ANKRD27: variants seen among roughly 807,000 people sequenced by gnomAD.
ANKRD27 encodes the protein ankyrin repeat domain 27.
A neutral mutation model predicts 129.7 loss-of-function variants in ANKRD27; 112 were observed. The ratio of observed to expected loss-of-function variants is 0.86; its 90% CI spans 0.74 to 1.01. The LOEUF (loss-of-function observed/expected upper bound fraction) is 1.01. Ranked by LOEUF, ANKRD27 falls within the 50% of genes least tolerant of loss-of-function variation. The probability of loss-of-function intolerance (pLI) is 0.00; values close to 1 mark genes in which losing one functional copy is unlikely to be tolerated. For synonymous variants in ANKRD27, 516 were observed against 511.2 expected, an observed-to-expected ratio of 1.01 and a Z score of -0.13; for missense variants, 1,258 against 1,300.5, an observed-to-expected ratio of 0.97 and a Z score of 0.50.
intron 2 of ANKRD27, among the ~76,000 whole-genome samples, chr19:32,656,076 A>G (rs1158331961): frequency 4.1e-5 from 1 of 24,284 alleles, no homozygotes; most frequent in East Asian, 6.3e-4. Flanking sequence ...AGAAAGAAAG[A>G]AAGAAAGAAA....
chr19:32,616,575 GAC>G (rs1177976540), intron 21 of ANKRD27, among the ~76,000 whole-genome samples: 1 of 145,566 alleles, frequency 6.9e-6, no homozygotes, highest in Non-Finnish European at 1.5e-5. Context: ...AAAAGTGGAA[GAC>G]ACAGTCCTTT....
intron 12 of ANKRD27, among the ~76,000 whole-genome samples, chr19:32,632,058 GTGAA>G: frequency 6.6e-6 from 1 of 152,214 alleles, no homozygotes; most frequent in Non-Finnish European, 1.5e-5. Context: ...GGAGGCTGAG[GTGAA>G]CGGATCACCT....
rs1308928336 is a variant in ANKRD27 at position 32,640,315 on chromosome 19, G to A, written c.975C>T (p.Ile325=). ...VLLYLLVKTE[I]PNWMANLSYI... is the part of the protein sequence containing the mutation. Reference sequence around the variant, plus strand: ...TTAAAAGAAAATGTTACCAATTAGGGATCTCCGTTTTCACAAGCAAGTATA... The same window carrying A: ...TTAAAAGAAAATGTTACCAATTAGGAATCTCCGTTTTCACAAGCAAGTATA... The change falls in exon 11 of 29, where the codon ATC becomes ATT. Residue 325 remains isoleucine, a synonymous_variant. Coordinates refer to ENST00000306065, the MANE Select transcript of ANKRD27 (RefSeq NM_032139.3). 6.2e-7 allele frequency: 1 copy of A among 1,613,372 alleles called. No individual in the cohort carries two copies. Among genetic ancestry groups the A allele is most frequent in the Non-Finnish European group, 8.5e-7 (1 of 1,179,424 alleles).
chr19:32,639,489 C>T lies in ANKRD27; in HGVS notation c.984-1G>A, dbSNP rs1599758388. 1 of 1,611,502 alleles carries T rather than the reference C, an allele frequency of 6.2e-7. No homozygotes were observed. Among genetic ancestry groups the T allele is most frequent in the South Asian group, 1.1e-5 (1 of 90,644 alleles). On this transcript the variant is annotated splice_acceptor_variant, in intron 11 of 28. Transcript: ENST00000306065. LOFTEE classifies it high-confidence loss of function. Reference sequence around the variant, plus strand: ...TTTGATGTAACTCAAATTTGCCATCCTAATGAAAGGAAGAAAAAAGTTATG... The same window carrying T: ...TTTGATGTAACTCAAATTTGCCATCTTAATGAAAGGAAGAAAAAAGTTATG...
intron 1 of ANKRD27, among the ~76,000 whole-genome samples, chr19:32,666,034 T>C (rs259269): frequency 0.49 from 74,165 of 151,856 alleles, 21,009 homozygotes; most frequent in Non-Finnish European, 0.65. Context: ...TCCCAAACTG[T>C]TGGGATTACA....
chr19:32,609,656 G>C (rs1252621899), intron 22 of ANKRD27, among the ~76,000 whole-genome samples: 2 of 138,436 alleles, frequency 1.4e-5, no homozygotes, highest in Non-Finnish European at 3.1e-5. Context: ...GGCGATGGGG[G>C]AATGGGGGGG....
At chr19:32,607,888 T>C (rs1386039156) in intron 22 of ANKRD27, 56 bp from the exon 23 acceptor site, 16 of 1,528,232 alleles carry the variant, frequency 1.0e-5, no homozygotes, top group Middle Eastern at 1.7e-4. Flanking sequence ...GAAACTGGGC[T>C]GGAGTGATTG....
At chr19:32,662,780 C>T (rs1967671030) in intron 1 of ANKRD27, among the ~76,000 whole-genome samples, 1 of 151,986 alleles carries the variant, frequency 6.6e-6, no homozygotes, top group East Asian at 1.9e-4. Flanking sequence ...CGGTGGCTCA[C>T]GCCTCTAATC....
intron 14 of ANKRD27, among the ~76,000 whole-genome samples, 186 bp from the exon 15 acceptor site, chr19:32,628,351 G>C (rs1254439293): frequency 6.6e-6 from 1 of 152,182 alleles, no homozygotes; most frequent in East Asian, 1.9e-4. Flanking sequence ...TGGCCCTGGA[G>C]TCTCTCCCCC....
chr19:32,659,139 CT>C (rs35323163), intron 1 of ANKRD27, 94 bp from the exon 2 acceptor site: 34,716 of 152,978 alleles, frequency 0.23, 806 homozygotes, highest in African/African-American at 0.32. Flanking sequence ...TTTTCTTTTT[CT>C]TTTTTTTTTT....
rs764053928 is a variant in ANKRD27, at chr19:32,615,699, G to T, written c.2134C>A (p.His712Asn). The T allele has an allele frequency of 6.2e-7, 1 of 1,614,238 alleles. No individual in the cohort carries two copies. Among genetic ancestry groups the T allele is most frequent in the African/African-American group, 1.3e-5 (1 of 75,060 alleles). The part of the protein sequence containing the change: ...TVSAADPEFC[H>N]PLCQCPKCAP... ...CACTTGGGGCACTGGCACAACGGGT[G>T]ACAGAATTCGGGGTCCGCTGCACTG... Residue 712 changes from histidine to asparagine, a missense_variant, in exon 22 of 29, where the codon CAC becomes AAC. Transcript: ENST00000306065.
chr19:32,598,040 G>C lies in ANKRD27; in HGVS notation c.*105C>G. On this transcript the variant is annotated 3_prime_UTR_variant, in exon 29 of 29. Transcript: ENST00000306065. ...GAACTTGGTGCTGAAGACTTCTCAA[G>C]CCAGTCTCATGGAAGCACATTTAGT... The C allele has an allele frequency of 9.2e-7, 1 of 1,088,204 alleles. No homozygotes were observed. The highest frequency in any genetic ancestry group is 1.4e-6 in the Non-Finnish European group (1 of 732,902). 67.4% of individuals were successfully genotyped at this position (1,088,204 alleles called of 1,614,324 possible).
chr19:32,642,270 CAG>C, intron 9 of ANKRD27, 125 bp from the exon 10 acceptor site: 1 of 975,650 alleles, frequency 1.0e-6, no homozygotes, highest in Non-Finnish European at 1.4e-6. Flanking sequence ...AACACAAAAA[CAG>C]ATACTGAGAA....
At chr19:32,656,103 G>GAAAGAAAGAAAGAAAGAAAGGAAAAGA (rs1555747136) in intron 2 of ANKRD27, among the ~76,000 whole-genome samples, 4 of 123,698 alleles carry the variant, frequency 3.2e-5, no homozygotes, top group African/African-American at 6.8e-5. Flanking sequence ...AAGAAAGAAA[G>GAAAGAAAGAAAGAAAGAAAGGAAAAGA]AAAGAAAAGA....
chr19:32,663,053 A>C (rs1278130555), intron 1 of ANKRD27, among the ~76,000 whole-genome samples: 2 of 152,238 alleles, frequency 1.3e-5, no homozygotes, highest in Non-Finnish European at 2.9e-5. Flanking sequence ...AAGACAAAAC[A>C]AAACAAAAAG....
In ANKRD27 at chr19:32,649,767, A is replaced by G; in HGVS notation, c.128T>C (p.Leu43Pro). 6.2e-7 allele frequency: 1 copy of G among 1,614,064 alleles called. No homozygotes were observed. Among genetic ancestry groups the G allele is most frequent in the Non-Finnish European group, 8.5e-7 (1 of 1,179,954 alleles). ...ACAAGTAGACTGGATGCTGCTCGACAGGCTTCCTTTGCAGGGTACTAAGAC... is the reference window on the plus strand; with the variant it reads ...ACAAGTAGACTGGATGCTGCTCGACGGGCTTCCTTTGCAGGGTACTAAGAC... Reference protein sequence around the residue: ...GIVLVPCKGSLSSSIQSTCQF... With the variant: ...GIVLVPCKGSPSSSIQSTCQF... Residue 43 changes from leucine (L) to proline (P), a missense_variant, in exon 3 of 29, where the codon CTG (leucine) becomes CCG (proline). By Grantham distance (98) the Leu-to-Pro change is moderately conservative. Transcript: ENST00000306065.
At chr19:32,651,977 T>C (rs955797941) in intron 2 of ANKRD27, among the ~76,000 whole-genome samples, 2 of 152,174 alleles carry the variant, frequency 1.3e-5, no homozygotes, top group South Asian at 4.1e-4. Flanking sequence ...GAGCATTTCA[T>C]AGCAACCAGA....
chr19:32,605,943 A>G lies in ANKRD27; in HGVS notation c.2385T>C (p.Cys795=), dbSNP rs757026146. The change falls in exon 24 of 29, where the codon TGT becomes TGC. Residue 795 remains cysteine (C), a synonymous_variant. Coordinates refer to ENST00000306065, the MANE Select transcript of ANKRD27 (RefSeq NM_032139.3). ...TGGGTTTTGCATTCGAATCTAACAG[A>G]CACTTCACCACCTGGGCCAGAGAAG... ...CQQGHFQVVK[C]LLDSNAKPNK... is the part of the protein sequence containing the mutation. 16 of 1,613,700 alleles carry G rather than the reference A, an allele frequency of 9.9e-6. No individual in the cohort carries two copies. In the Middle Eastern group the frequency reaches 4.9e-4, roughly 50 times the overall value.
intron 25 of ANKRD27, among the ~76,000 whole-genome samples, chr19:32,602,437 G>A (rs1971667633): frequency 6.6e-6 from 1 of 152,064 alleles, no homozygotes; most frequent in Non-Finnish European, 1.5e-5. Context: ...AGGCTGTTGA[G>A]GGCCCCCATA....
Sources: allele counts gnomAD v4.1 joint callset (sites outside exome capture counted in the v4.1 genomes callset), GRCh38; gene constraint gnomAD v4.1.1; transcripts MANE v1.5; gene names NCBI Gene and HGNC (gene_info 2026-07-23, HGNC 2026-07-21).